The following THSD7B variants were observed in gnomAD, a reference collection of about 807,000 sequenced individuals.
The protein encoded by THSD7B is thrombospondin type-1 domain-containing protein 7B.
Under a neutral mutation model 213.6 loss-of-function variants are expected in THSD7B, and 138 were observed. The ratio of observed to expected loss-of-function variants is 0.65; its 90% confidence interval spans 0.56 to 0.74. The LOEUF is 0.74. THSD7B is among the 30% of genes least tolerant of loss of function. The probability of loss-of-function intolerance (pLI) is 0.00; values close to 1 mark genes in which losing one functional copy is unlikely to be tolerated. For missense variants in THSD7B, 1,931 were observed against 1,991.5 expected, an observed-to-expected ratio of 0.97 and a Z score of 0.58; for synonymous variants, 742 against 687.0, an observed-to-expected ratio of 1.08 and a Z score of -1.25.
intron 15 of THSD7B, among the ~76,000 whole-genome samples, chr2:137,474,758 T>G (rs1186904309): frequency 6.6e-6 from 1 of 152,204 alleles, no homozygotes; most frequent in Non-Finnish European, 1.5e-5. Context: ...TCAGCAAGAT[T>G]AAACTCTCAT....
At chr2:137,176,464 C>T (rs2105000656) in intron 7 of THSD7B, among the ~76,000 whole-genome samples, 1 of 152,240 alleles carries the variant, frequency 6.6e-6, no homozygotes, top group Non-Finnish European at 1.5e-5. Flanking sequence ...AACATCTTGC[C>T]ACCTGTTTGG....
intron 2 of THSD7B, among the ~76,000 whole-genome samples, chr2:136,889,396 C>G (rs944521277): frequency 6.6e-6 from 1 of 152,056 alleles, no homozygotes; most frequent in African/African-American, 2.4e-5. Context: ...TAGATAGTTC[C>G]TATTGACTCT....
At chr2:136,891,320 G>A (rs925341574) in intron 2 of THSD7B, among the ~76,000 whole-genome samples, 1 of 152,056 alleles carries the variant, frequency 6.6e-6, no homozygotes. Flanking sequence ...ATTATTAAAA[G>A]CGAGGCACTA....
At chr2:136,882,900 A>T (rs1683649031) in intron 2 of THSD7B, among the ~76,000 whole-genome samples, 1 of 152,188 alleles carries the variant, frequency 6.6e-6, no homozygotes, top group South Asian at 2.1e-4. Context: ...CTGGAATATA[A>T]CTTATGTTCA....
At chr2:136,834,204 C>T (rs1292966157) in intron 1 of THSD7B, among the ~76,000 whole-genome samples, 1 of 152,182 alleles carries the variant, frequency 6.6e-6, no homozygotes, top group Admixed American at 6.5e-5. Flanking sequence ...AGAGAGGACC[C>T]AGCCCCTGGT....
At chr2:137,258,794 C>T (rs887631670) in intron 10 of THSD7B, among the ~76,000 whole-genome samples, 4 of 151,698 alleles carry the variant, frequency 2.6e-5, no homozygotes, top group Admixed American at 1.3e-4. Flanking sequence ...TTTTAAGCCC[C>T]GCATGCATTA....
intron 12 of THSD7B, among the ~76,000 whole-genome samples, chr2:137,308,555 A>G (rs1017002546): frequency 2.0e-5 from 3 of 152,124 alleles, no homozygotes; most frequent in Admixed American, 2.0e-4. Flanking sequence ...CATACTTGTC[A>G]AGTTATAGGT....
intron 20 of THSD7B, among the ~76,000 whole-genome samples, chr2:137,638,158 A>T (rs1428662072): frequency 6.6e-6 from 1 of 152,128 alleles, no homozygotes; most frequent in Non-Finnish European, 1.5e-5. Flanking sequence ...ATCATCACTG[A>T]AAGAAATTTT....
intron 12 of THSD7B, among the ~76,000 whole-genome samples, chr2:137,335,243 T>C (rs1307553179): frequency 6.6e-6 from 1 of 152,204 alleles, no homozygotes; most frequent in African/African-American, 2.4e-5. Flanking sequence ...AACTACCTCA[T>C]GATCTTATTT....
chr2:137,476,411 G>T (rs1311812030), intron 15 of THSD7B, among the ~76,000 whole-genome samples: 1 of 151,858 alleles, frequency 6.6e-6, no homozygotes, highest in Non-Finnish European at 1.5e-5. Context: ...GTCCTGAAGT[G>T]TTTTCCCTAT....
chr2:137,411,829 T>C lies in THSD7B; in HGVS notation c.2916T>C (p.Asp972=), dbSNP rs369453080. ...GLRFRAVACS[D]KNGRPVDPSF... Reference sequence around the variant, plus strand: ...GCTTTCGAGCAGTAGCCTGTTCTGATAAAAATGGAAGACCTGTTGACCCCT... The same window carrying C: ...GCTTTCGAGCAGTAGCCTGTTCTGACAAAAATGGAAGACCTGTTGACCCCT... Residue 972 remains aspartate, a synonymous_variant, in exon 14 of 28, where the codon GAT becomes GAC. Transcript: ENST00000409968. The C allele has an allele frequency of 1.2e-6, 2 of 1,613,988 alleles. No individual in the cohort carries two copies. The highest frequency in any genetic ancestry group is 1.3e-5 in the African/African-American group (1 of 75,046).
At chr2:137,256,398 G>A (rs1682310558) in intron 10 of THSD7B, among the ~76,000 whole-genome samples, 1 of 152,176 alleles carries the variant, frequency 6.6e-6, no homozygotes, top group Non-Finnish European at 1.5e-5. Flanking sequence ...GATTGGGGAG[G>A]TGAGACTTAG....
chr2:137,282,702 A>G (rs1447247528), intron 12 of THSD7B, among the ~76,000 whole-genome samples: 1 of 152,164 alleles, frequency 6.6e-6, no homozygotes, highest in Non-Finnish European at 1.5e-5. Flanking sequence ...TTTGTCAAAG[A>G]TCAGATAGTT....
intron 17 of THSD7B, among the ~76,000 whole-genome samples, chr2:137,583,325 A>T (rs985229195): frequency 1.3e-5 from 2 of 152,166 alleles, no homozygotes; most frequent in African/African-American, 4.8e-5. Context: ...TTTGCTGTGC[A>T]TAAGCTCTTT....
chr2:137,448,833 C>CAAAAAA (rs1341459287), intron 14 of THSD7B, among the ~76,000 whole-genome samples: 49 of 149,086 alleles, frequency 3.3e-4, no homozygotes, highest in Admixed American at 5.5e-4. Flanking sequence ...ACAACAACAA[C>CAAAAAA]AACAAAAACT....
At chr2:137,030,183 C>A in intron 2 of THSD7B, among the ~76,000 whole-genome samples, 1 of 152,060 alleles carries the variant, frequency 6.6e-6, no homozygotes, top group East Asian at 1.9e-4. Context: ...ACATCGTATA[C>A]AGACAACAAG....
At chr2:137,292,690 T>A (rs993848877) in intron 12 of THSD7B, among the ~76,000 whole-genome samples, 4 of 152,132 alleles carry the variant, frequency 2.6e-5, no homozygotes, top group Non-Finnish European at 4.4e-5. Flanking sequence ...CCATATTAGA[T>A]TATTTATTCC....
chr2:136,822,714 A>G (rs755689413), intron 1 of THSD7B, among the ~76,000 whole-genome samples: 13 of 152,236 alleles, frequency 8.5e-5, no homozygotes, highest in Non-Finnish European at 1.6e-4. Flanking sequence ...AGCTAGCGGA[A>G]GATGGCCCAG....
intron 2 of THSD7B, among the ~76,000 whole-genome samples, chr2:136,889,312 C>T (rs920511690): frequency 5.9e-5 from 9 of 152,030 alleles, no homozygotes; most frequent in Non-Finnish European, 1.2e-4. Context: ...GCTCTTTTTG[C>T]TGTTTATTCT....
Sources: gnomAD v4.1 joint callset for allele counts (sites outside exome capture counted in the v4.1 genomes callset) on GRCh38, gnomAD v4.1.1 for gene constraint, MANE v1.5 for transcripts, NCBI Gene and HGNC (gene_info 2026-07-23, HGNC 2026-07-21) for gene names.